TACC2: variants seen among roughly 807,000 people sequenced by gnomAD.
The protein encoded by TACC2 is transforming acidic coiled-coil containing protein 2.
TACC2 carries 137 observed loss-of-function variants against 227.3 expected under a neutral mutation model. The observed-to-expected ratio is 0.60, with a 90% CI of 0.52 to 0.69. TACC2 has a LOEUF of 0.69. TACC2 is among the 30% of genes least tolerant of loss of function. The pLI is 0.00. For synonymous variants in TACC2, 1,523 were observed against 1,487.5 expected, an observed-to-expected ratio of 1.02 and a Z score of -0.55; for missense variants, 3,470 against 3,694.4, an observed-to-expected ratio of 0.94 and a Z score of 1.57.
intron 3 of TACC2, among the ~76,000 whole-genome samples, chr10:122,078,566 A>G (rs772364915): frequency 6.6e-6 from 1 of 152,230 alleles, no homozygotes; most frequent in Non-Finnish European, 1.5e-5. Context: ...ACCTCCACAC[A>G]GAGGCAGTGC....
Position 122,224,800 on chromosome 10 carries a change from G to C in TACC2, c.7608+13G>C. ...CTCCTCCTTACCTGTAAGTTCGTCT[G>C]CCTCGGGCCACTTAGGGGACTCGCT... is the stretch of plus-strand genomic sequence containing the variant. On this transcript the variant is annotated intron_variant, in intron 12 of 22. Transcript: ENST00000369005. The C allele has an allele frequency of 6.2e-7, 1 of 1,612,526 alleles. No homozygotes were observed. Among genetic ancestry groups the C allele is most frequent in the East Asian group, 2.2e-5 (1 of 44,852 alleles).
chr10:122,244,088 G>A (rs775152147), intron 19 of TACC2, among the ~76,000 whole-genome samples: 1 of 152,186 alleles, frequency 6.6e-6, no homozygotes, highest in Non-Finnish European at 1.5e-5. Flanking sequence ...CCTAGGCAGT[G>A]TGAGTTCCCT....
At chr10:122,216,272 A>C (rs2095404455) in intron 10 of TACC2, among the ~76,000 whole-genome samples, 1 of 152,082 alleles carries the variant, frequency 6.6e-6, no homozygotes, top group Non-Finnish European at 1.5e-5. Flanking sequence ...TTGTCAGGTG[A>C]TTCTGGTGAT....
chr10:122,063,738 G>T (rs2077086600), intron 3 of TACC2, among the ~76,000 whole-genome samples: 1 of 151,692 alleles, frequency 6.6e-6, no homozygotes, highest in African/African-American at 2.4e-5. Flanking sequence ...TATTGATTGT[G>T]AGATAGCTAT....
At chr10:122,192,665 G>A (rs1275569796) in intron 7 of TACC2, 1 of 456,510 alleles carries the variant, frequency 2.2e-6, no homozygotes, top group Non-Finnish European at 4.4e-6. Flanking sequence ...GACAGAGGCT[G>A]TTCTTCAGCG....
intron 1 of TACC2, among the ~76,000 whole-genome samples, chr10:122,004,206 T>G (rs1013907468): frequency 6.6e-6 from 1 of 151,968 alleles, no homozygotes; most frequent in Admixed American, 6.6e-5. Context: ...AAGATCAGCC[T>G]GACCAATATG....
At chr10:122,241,733 T>G in intron 18 of TACC2, 1 of 585,422 alleles carries the variant, frequency 1.7e-6, no homozygotes, top group Non-Finnish European at 3.1e-6. Flanking sequence ...TGGTTTGATT[T>G]TTTTTCTTAG....
intron 7 of TACC2, among the ~76,000 whole-genome samples, chr10:122,165,803 A>C (rs1452294442): frequency 6.6e-6 from 1 of 152,152 alleles, no homozygotes; most frequent in African/African-American, 2.4e-5. Context: ...TTTTTGTTCT[A>C]AAAAAATGGA....
intron 5 of TACC2, among the ~76,000 whole-genome samples, chr10:122,105,015 A>G (rs1354907947): frequency 6.6e-6 from 1 of 152,220 alleles, no homozygotes; most frequent in African/African-American, 2.4e-5. Context: ...GCAGCACTTG[A>G]TAAGTGACTT....
At chr10:122,120,265 C>T (rs1265954877) in intron 5 of TACC2, among the ~76,000 whole-genome samples, 2 of 152,228 alleles carry the variant, frequency 1.3e-5, no homozygotes, top group South Asian at 2.1e-4. Flanking sequence ...GTTGGGCCAA[C>T]GTGGGCACTG....
chr10:122,100,426 C>CTT (rs1219805294), intron 5 of TACC2, among the ~76,000 whole-genome samples: 10 of 141,278 alleles, frequency 7.1e-5, no homozygotes, highest in African/African-American at 1.3e-4. Context: ...TCTTCTCTTC[C>CTT]TTTTTTTTTT....
Position 122,083,353 on chromosome 10 carries a change from G to A in TACC2, c.853G>A (p.Ala285Thr). The change falls in exon 4 of 23, where the codon GCC (alanine) becomes ACC (threonine). Residue 285 changes from alanine to threonine, a missense_variant. Physicochemically the swap from Ala to Thr is moderately conservative, Grantham distance 58. Transcript: ENST00000369005. ...APIPQDPAPR[A>T]SDRERGQGEA... Reference sequence around the variant, plus strand: ...GATCCCACAAGATCCAGCCCCAAGAGCCTCAGACAGAGAAAGAGGCCAAGG... The same window carrying A: ...GATCCCACAAGATCCAGCCCCAAGAACCTCAGACAGAGAAAGAGGCCAAGG... 2 of 1,613,968 alleles carry A rather than the reference G, an allele frequency of 1.2e-6. No individual in the cohort carries two copies. Among genetic ancestry groups the A allele is most frequent in the Non-Finnish European group, 1.7e-6 (2 of 1,180,030 alleles).
chr10:122,210,980 A>T lies in TACC2; in HGVS notation c.6555A>T (p.Pro2185=). The T allele has an allele frequency of 6.2e-7, 1 of 1,613,422 alleles. No individual in the cohort carries two copies. The change falls in exon 9 of 23, where the codon CCA becomes CCT. Residue 2185 remains proline, a synonymous_variant. Transcript: ENST00000369005. This position sits in a 1 kb window ranked among gnomAD's most constrained non-coding sequence, Gnocchi z 4.6. ...CTGCCAAGACGGAAGGTCCTAGCCC[A>T]GCCTTATTGGAGGAGACGCCCCTTG... ...TESAKTEGPS[P]ALLEETPLEP... is the part of the protein sequence containing the mutation.
chr10:122,163,770 C>T (rs1045520198), intron 7 of TACC2: 51 of 1,215,792 alleles, frequency 4.2e-5, no homozygotes, highest in African/African-American at 6.3e-5. Flanking sequence ...CAGCTCCCTG[C>T]CGCCGCTCCC....
rs573064036 is a variant in TACC2 at position 122,118,387 on chromosome 10, C to T, written c.5574-14222C>T. On this transcript the variant is annotated intron_variant, in intron 5 of 22. Coordinates refer to ENST00000369005, the MANE Select transcript of TACC2 (RefSeq NM_206862.4). ...CTTAGCTGGCCCAGGACTCTGCATT[C>T]TGGAACTCCCAGGTTGTCTTGTGGT... is the stretch of plus-strand genomic sequence containing the variant. 1.5e-3 allele frequency among the ~76,000 whole-genome samples: 232 copies of T among 152,286 alleles called. 1 individual carries two copies. The highest frequency in any genetic ancestry group is 5.5e-3 in the African/African-American group (228 of 41,548).
intron 21 of TACC2, 147 bp downstream of exon 21, chr10:122,249,303 G>A (rs1472693303): frequency 4.1e-6 from 3 of 735,336 alleles, no homozygotes; most frequent in East Asian, 2.7e-5. Flanking sequence ...TCGAGAGAAG[G>A]CACACAGTTA....
chr10:122,085,008 A>G lies in TACC2; in HGVS notation c.2508A>G (p.Gln836=). 2 of 1,614,158 alleles carry G rather than the reference A, an allele frequency of 1.2e-6. No homozygotes were observed. Among genetic ancestry groups the G allele is most frequent in the South Asian group, 1.1e-5 (1 of 91,074 alleles). The change falls in exon 4 of 23, where the codon CAA becomes CAG. Residue 836 remains glutamine, a synonymous_variant. Coordinates refer to ENST00000369005, the MANE Select transcript of TACC2 (RefSeq NM_206862.4). The part of the protein sequence containing the change: ...SEKHLQPSQA[Q]PETSIFDVLK... Reference sequence around the variant, plus strand: ...AGCATCTCCAGCCATCCCAGGCACAACCAGAGACATCCATCTTTGACGTGC... The same window carrying G: ...AGCATCTCCAGCCATCCCAGGCACAGCCAGAGACATCCATCTTTGACGTGC...
At position 122,088,608 on chromosome 10, in the gene TACC2, G is replaced by C. The variant is rs370883980; in HGVS notation, c.5573+17G>C. ...AACAGAAAGGTCAGCGAAAGATATT[G>C]GTCTTTGGAAGGCCATGATGCCTTC... On this transcript the variant is annotated intron_variant, in intron 5 of 22. Transcript: ENST00000369005. 1.1e-5 allele frequency: 17 copies of C among 1,607,962 alleles called. No homozygotes were observed. The Admixed American group carries it at 2.5e-4, about 24-fold the overall frequency.
chr10:122,195,166 G>A lies in TACC2; in HGVS notation c.5961G>A (p.Pro1987=), dbSNP rs144751396. ...CCGAGGTCAGCACACAGCCACCCCCGGAAGAACCAGGTAACCAAGGGCAGG... is the reference window on the plus strand; with the variant it reads ...CCGAGGTCAGCACACAGCCACCCCCAGAAGAACCAGGTAACCAAGGGCAGG... ...PEPEVSTQPP[P]EEPGCGSETV... is the part of the protein sequence containing the mutation. The change falls in exon 8 of 23, where the codon CCG becomes CCA. Residue 1987 remains proline (P), a synonymous_variant. Coordinates refer to ENST00000369005, the MANE Select transcript of TACC2 (RefSeq NM_206862.4). 4.9e-5 allele frequency: 66 copies of A among 1,339,370 alleles called. No homozygotes were observed. In the African/African-American group the frequency reaches 8.6e-4, roughly 17 times the overall value. 83.0% of individuals were successfully genotyped at this position (1,339,370 alleles called of 1,614,324 possible).
Sources: allele counts gnomAD v4.1 joint callset (sites outside exome capture counted in the v4.1 genomes callset), GRCh38; gene constraint gnomAD v4.1.1; non-coding constraint Gnocchi (gnomAD v3.1); transcripts MANE v1.5; gene names NCBI Gene and HGNC (gene_info 2026-07-23, HGNC 2026-07-21).